Variants in PTK2 observed in about 807,000 individuals in gnomAD.
PTK2 encodes protein tyrosine kinase 2.
Under a neutral mutation model 150.1 loss-of-function variants are expected in PTK2, and 45 were observed. That is an observed-to-expected ratio of 0.30 (90% CI 0.24 to 0.38). PTK2 has a LOEUF of 0.38. Among genes scored for constraint, PTK2 ranks in the 10% least tolerant of loss-of-function variants. PTK2 has a pLI of 1.00. For missense variants in PTK2, 919 were observed against 1,307.3 expected (o/e 0.70, Z 4.58); for synonymous variants, 432 against 449.2 (o/e 0.96, Z 0.48).
intron 1 of PTK2, among the ~76,000 whole-genome samples, chr8:140,973,501 TA>T (rs879832610): frequency 1.2e-3 from 171 of 142,182 alleles, no homozygotes; most frequent in Admixed American, 1.3e-3. Flanking sequence ...CACACACACG[TA>T]AAAAAAAAAA....
intron 1 of PTK2, among the ~76,000 whole-genome samples, chr8:140,992,364 G>A (rs188088051): frequency 3.8e-4 from 58 of 151,978 alleles, no homozygotes; most frequent in African/African-American, 1.4e-3. Context: ...CAGTTACTTG[G>A]GAGGCAGAAG....
At chr8:140,846,002 A>G (rs1358195622) in intron 7 of PTK2, among the ~76,000 whole-genome samples, 1 of 152,094 alleles carries the variant, frequency 6.6e-6, no homozygotes, top group Non-Finnish European at 1.5e-5. Context: ...TAAATTAGAA[A>G]AAAATATCAT....
At chr8:140,990,620 C>A (rs1009393090) in intron 1 of PTK2, among the ~76,000 whole-genome samples, 2 of 152,144 alleles carry the variant, frequency 1.3e-5, no homozygotes, top group African/African-American at 4.8e-5. Flanking sequence ...TTTCATTGAG[C>A]TGCACAGTTG....
intron 4 of PTK2, among the ~76,000 whole-genome samples, chr8:140,877,170 G>T (rs11777688): frequency 0.41 from 62,169 of 151,032 alleles, 14,646 homozygotes; most frequent in Non-Finnish European, 0.54. Flanking sequence ...GTAGCTGGGA[G>T]TACAGGCACC....
chr8:141,001,996 C>T (rs1443355853), upstream of PTK2: 1 of 152,258 alleles, frequency 6.6e-6, no homozygotes, highest in Admixed American at 6.5e-5. Flanking sequence ...CCTGCAATCC[C>T]TCCCGAGGGC....
At chr8:140,691,878 T>C (rs1208441598) in intron 26 of PTK2, among the ~76,000 whole-genome samples, 1 of 152,210 alleles carries the variant, frequency 6.6e-6, no homozygotes, top group East Asian at 1.9e-4. Context: ...GACGAGGAAC[T>C]TGACTTAGAA....
chr8:140,692,909 A>AGACT (rs1192504955), intron 26 of PTK2, among the ~76,000 whole-genome samples: 1 of 152,234 alleles, frequency 6.6e-6, no homozygotes, highest in Non-Finnish European at 1.5e-5. Flanking sequence ...TCTTTCATTC[A>AGACT]GACTGACTGG....
In PTK2 at chr8:140,966,822, C is replaced by A. The variant is rs375556780; in HGVS notation, c.-122+34303G>T. ...AGATAGGTATAAATAGATGCTTGGGCTGCTCTGAACCCTTTTCCCTTTTAA... is the reference window on the plus strand; with the variant it reads ...AGATAGGTATAAATAGATGCTTGGGATGCTCTGAACCCTTTTCCCTTTTAA... On this transcript the variant is annotated intron_variant, in intron 1 of 31. Coordinates refer to ENST00000522684, the Ensembl canonical transcript of PTK2. 3.1e-4 allele frequency among the ~76,000 whole-genome samples: 47 copies of A among 152,276 alleles called. 2 individuals carry two copies. The highest frequency in any genetic ancestry group is 1.1e-3 in the African/African-American group (46 of 41,546).
intron 14 of PTK2, among the ~76,000 whole-genome samples, chr8:140,784,975 T>C (rs1028211412): frequency 1.3e-5 from 2 of 152,214 alleles, no homozygotes; most frequent in Non-Finnish European, 1.5e-5. Flanking sequence ...CTCTCCGGAA[T>C]GTAAGGATAT....
At chr8:140,844,302 C>T (rs1031027399) in intron 7 of PTK2, among the ~76,000 whole-genome samples, 25 of 152,134 alleles carry the variant, frequency 1.6e-4, no homozygotes, top group Admixed American at 3.3e-4. Context: ...CCTTATTATA[C>T]TCTTTAGAAA....
chr8:140,978,544 A>G (rs1347478294), intron 1 of PTK2, among the ~76,000 whole-genome samples: 1 of 152,098 alleles, frequency 6.6e-6, no homozygotes, highest in Non-Finnish European at 1.5e-5. Flanking sequence ...AGAAATGCAA[A>G]TCAAAACCAC....
At chr8:140,794,955 C>T (rs546826280) in intron 12 of PTK2, among the ~76,000 whole-genome samples, 2 of 152,282 alleles carry the variant, frequency 1.3e-5, no homozygotes, top group South Asian at 2.1e-4. Context: ...GGTGGGTGCA[C>T]CTGCATACTT....
In PTK2 at chr8:140,698,734, C is replaced by A. The variant is rs144139106; in HGVS notation, c.2499+2157G>T. On this transcript the variant is annotated intron_variant, in intron 26 of 31. Coordinates refer to ENST00000522684, the Ensembl canonical transcript of PTK2. ...GGTTCAAGTAATTCTTCTGCCTCAGCCTCCTGAATAGCTGGGATTACAGGC... is the reference window on the plus strand; with the variant it reads ...GGTTCAAGTAATTCTTCTGCCTCAGACTCCTGAATAGCTGGGATTACAGGC... Among the ~76,000 whole-genome samples the A allele has an allele frequency of 7.4e-3, 1,128 of 152,314 alleles. 12 individuals carry two copies. Among genetic ancestry groups the A allele is most frequent in the African/African-American group, 0.026 (1,082 of 41,568 alleles).
At chr8:140,945,419 C>T (rs1480940648) in intron 1 of PTK2, among the ~76,000 whole-genome samples, 4 of 152,030 alleles carry the variant, frequency 2.6e-5, no homozygotes, top group African/African-American at 9.7e-5. Flanking sequence ...AGCCTTCCTC[C>T]ACAAAAAATT....
At chr8:140,730,962 C>CA (rs1040910962) in intron 22 of PTK2, among the ~76,000 whole-genome samples, 2 of 142,360 alleles carry the variant, frequency 1.4e-5, no homozygotes, top group Non-Finnish European at 3.1e-5. Flanking sequence ...AACCCCCCCC[C>CA]CCCTTTTTTT....
chr8:140,862,261 C>T (rs1187340265), intron 5 of PTK2, among the ~76,000 whole-genome samples: 4 of 151,644 alleles, frequency 2.6e-5, no homozygotes, highest in East Asian at 1.9e-4. Context: ...AGAAGTAATA[C>T]AAGTAGTGAC....
In PTK2 at chr8:140,719,411, C is replaced by T. The variant is rs576457181; in HGVS notation, c.2031-1702G>A. 3.3e-5 allele frequency among the ~76,000 whole-genome samples: 5 copies of T among 152,054 alleles called. No individual in the cohort carries two copies. The East Asian group carries it at 9.7e-4, about 30-fold the overall frequency. ...GGGAACCTGGTCCCATGTGCCAGGC[C>T]CAGGTGAGTCCTGGTGAGTGGTGCA... On this transcript the variant is annotated intron_variant, in intron 22 of 31. Transcript: ENST00000522684.
At chr8:140,824,455 A>G (rs1395083540) in intron 8 of PTK2, among the ~76,000 whole-genome samples, 1 of 152,174 alleles carries the variant, frequency 6.6e-6, no homozygotes, top group Admixed American at 6.5e-5. Flanking sequence ...TTAGTTTCCT[A>G]TGGACACAGA....
intron 7 of PTK2, among the ~76,000 whole-genome samples, chr8:140,834,621 TCATGGGATAGAAAAATC>T (rs2100117570): frequency 6.6e-6 from 1 of 152,166 alleles, no homozygotes; most frequent in Non-Finnish European, 1.5e-5. Flanking sequence ...CTATAACAGA[TCATGGGATAGAAAAATC>T]GCTAATATGT....
Sources: allele counts gnomAD v4.1 joint callset (sites outside exome capture counted in the v4.1 genomes callset), GRCh38; gene constraint gnomAD v4.1.1; transcripts MANE v1.5; gene names NCBI Gene and HGNC (gene_info 2026-07-23, HGNC 2026-07-21).